FBXW7: variants seen among roughly 807,000 people sequenced by gnomAD.
FBXW7 encodes F-box/WD repeat-containing protein 7.
FBXW7 carries 11 observed loss-of-function variants against 86.3 expected under a neutral mutation model. That is an observed-to-expected ratio of 0.13 (90% CI 0.08 to 0.21). The LOEUF is 0.21. Ranked by LOEUF, FBXW7 falls within the 10% of genes least tolerant of loss-of-function variation. FBXW7 has a pLI of 1.00. For missense variants in FBXW7, 488 were observed against 847.4 expected, an observed-to-expected ratio of 0.58 and a Z score of 5.27; for synonymous variants, 313 against 297.9, an observed-to-expected ratio of 1.05 and a Z score of -0.52.
At chr4:152,357,831 C>A (rs1176769875) in intron 4 of FBXW7, among the ~76,000 whole-genome samples, 1 of 152,108 alleles carries the variant, frequency 6.6e-6, no homozygotes, top group Non-Finnish European at 1.5e-5. Context: ...ATACATAATT[C>A]ATACCCAATA....
intron 2 of FBXW7, among the ~76,000 whole-genome samples, chr4:152,505,575 C>T (rs79960940): frequency 0.089 from 13,502 of 151,790 alleles, 1,298 homozygotes; most frequent in African/African-American, 0.24. Context: ...CACAATAACC[C>T]AAGCCTACAC....
rs774025199 is a variant in FBXW7, at chr4:152,385,858, GA to G, written c.501+25444del. 1.1e-4 allele frequency among the ~76,000 whole-genome samples: 17 copies of G among 151,928 alleles called. No homozygotes were observed. In the East Asian group the frequency reaches 1.4e-3, roughly 12 times the overall value. On this transcript the variant is annotated intron_variant, in intron 4 of 13. Coordinates refer to ENST00000281708, the MANE Select transcript of FBXW7 (RefSeq NM_001349798.2). ...CTGTGTTTGTCATAATATATTTTTGGAAAAAGAAGACATTATCAATGATTGG... is the reference window on the plus strand; with the variant it reads ...CTGTGTTTGTCATAATATATTTTTGGAAAAGAAGACATTATCAATGATTGG...
intron 2 of FBXW7, among the ~76,000 whole-genome samples, chr4:152,533,322 C>T (rs1201115160): frequency 6.6e-6 from 1 of 152,184 alleles, no homozygotes; most frequent in Non-Finnish European, 1.5e-5. Context: ...GTCCTCCCCT[C>T]CTTCCCAAAA....
At chr4:152,527,899 C>T (rs572732573) in intron 2 of FBXW7, among the ~76,000 whole-genome samples, 2 of 151,310 alleles carry the variant, frequency 1.3e-5, no homozygotes, top group East Asian at 1.9e-4. Context: ...CACACACACA[C>T]ACATATATAT....
chr4:152,430,300 T>C (rs979519825), intron 2 of FBXW7, among the ~76,000 whole-genome samples: 4 of 152,316 alleles, frequency 2.6e-5, no homozygotes, highest in Non-Finnish European at 4.4e-5. Context: ...ATTATTTGTA[T>C]TGAAAGTGAG....
intron 2 of FBXW7, among the ~76,000 whole-genome samples, chr4:152,459,691 T>G (rs1216942075): frequency 6.6e-6 from 1 of 152,206 alleles, no homozygotes; most frequent in Non-Finnish European, 1.5e-5. Flanking sequence ...CTATATATAC[T>G]ATGTCTTTTC....
At chr4:152,497,386 C>T (rs1415875865) in intron 2 of FBXW7, among the ~76,000 whole-genome samples, 1 of 141,416 alleles carries the variant, frequency 7.1e-6, no homozygotes, top group Non-Finnish European at 1.5e-5. Context: ...CTATGAGATA[C>T]TTGCAATGCA....
rs183468624 is a variant in FBXW7 at position 152,427,118 on chromosome 4, C to A, written c.-119-14589G>T. Among the ~76,000 whole-genome samples, 12 of 152,128 alleles carry A rather than the reference C, an allele frequency of 7.9e-5. No homozygotes were observed. The East Asian group carries it at 1.5e-3, about 20-fold the overall frequency. ...GGTGTGGTTATGCTTGGAAAATAAG[C>A]TAGATAAAATTAGGATTAAATTTAT... is the stretch of plus-strand genomic sequence containing the variant. On this transcript the variant is annotated intron_variant, in intron 2 of 13. Coordinates refer to ENST00000281708, the MANE Select transcript of FBXW7 (RefSeq NM_001349798.2).
intron 4 of FBXW7, among the ~76,000 whole-genome samples, chr4:152,397,828 A>G (rs1736556307): frequency 6.6e-6 from 1 of 151,932 alleles, no homozygotes; most frequent in African/African-American, 2.4e-5. Context: ...TGACATTTAG[A>G]CAAGGGAAGT....
chr4:152,454,385 A>G (rs904640016), intron 2 of FBXW7, among the ~76,000 whole-genome samples: 1 of 151,546 alleles, frequency 6.6e-6, no homozygotes, highest in Non-Finnish European at 1.5e-5. Context: ...TATTTCCTAC[A>G]GATAACTTTT....
chr4:152,403,763 C>T (rs1737158321), intron 4 of FBXW7, among the ~76,000 whole-genome samples: 1 of 152,184 alleles, frequency 6.6e-6, no homozygotes, highest in Non-Finnish European at 1.5e-5. Context: ...GCTCACTCAC[C>T]TACCGCCCGC....
At chr4:152,364,552 G>GA (rs1384670368) in intron 4 of FBXW7, among the ~76,000 whole-genome samples, 5 of 152,058 alleles carry the variant, frequency 3.3e-5, no homozygotes, top group Admixed American at 3.3e-4. Flanking sequence ...CTTCTTCATT[G>GA]AAAATTTTTT....
chr4:152,515,199 AAAG>A (rs1462784655), intron 2 of FBXW7, among the ~76,000 whole-genome samples: 1 of 152,230 alleles, frequency 6.6e-6, no homozygotes, highest in Non-Finnish European at 1.5e-5. Flanking sequence ...CTCTAAGAAC[AAAG>A]AAGAAAATAT....
At chr4:152,340,700 G>T (rs1241999979) in intron 6 of FBXW7, among the ~76,000 whole-genome samples, 1 of 151,666 alleles carries the variant, frequency 6.6e-6, no homozygotes, top group Non-Finnish European at 1.5e-5. Context: ...TCTCTTTGGT[G>T]ATTCTAAACA....
intron 6 of FBXW7, among the ~76,000 whole-genome samples, chr4:152,343,761 A>G (rs1730977239): frequency 6.6e-6 from 1 of 152,194 alleles, no homozygotes; most frequent in Non-Finnish European, 1.5e-5. Context: ...CTGAAGCATC[A>G]ATCTGACTGC....
chr4:152,408,996 AC>A (rs1737689345), intron 4 of FBXW7, among the ~76,000 whole-genome samples: 1 of 152,184 alleles, frequency 6.6e-6, no homozygotes, highest in South Asian at 2.1e-4. Context: ...AAAAGAACAA[AC>A]CTTTAGTGAC....
intron 7 of FBXW7, among the ~76,000 whole-genome samples, chr4:152,334,279 A>G (rs1213701776): frequency 1.3e-5 from 2 of 152,202 alleles, no homozygotes; most frequent in Admixed American, 1.3e-4. Context: ...AACTATATTC[A>G]ACAATACTCA....
In FBXW7 at chr4:152,503,547, C is replaced by G. The variant is rs534770801; in HGVS notation, c.-120+31394G>C. Among the ~76,000 whole-genome samples, 114 of 151,970 alleles carry G rather than the reference C, an allele frequency of 7.5e-4. 1 individual carries two copies. The highest frequency in any genetic ancestry group is 1.2e-3 in the Non-Finnish European group (84 of 68,024). On this transcript the variant is annotated intron_variant, in intron 2 of 13. Transcript: ENST00000281708. ...TTGGCCTCCCAAAGTGCTGGAATTACAGGCATGAGCCACCGTGCCCGGCCC... is the reference window on the plus strand; with the variant it reads ...TTGGCCTCCCAAAGTGCTGGAATTAGAGGCATGAGCCACCGTGCCCGGCCC...
rs1485430888 is a variant in FBXW7 at position 152,478,375 on chromosome 4, T to C, written c.-120+56566A>G. Among the ~76,000 whole-genome samples the C allele has an allele frequency of 2.0e-5, 3 of 152,152 alleles. No homozygotes were observed. The East Asian group carries it at 5.8e-4, about 29-fold the overall frequency. On this transcript the variant is annotated intron_variant, in intron 2 of 13. Transcript: ENST00000281708. The stretch of plus-strand genomic sequence containing the variant: ...CTTAGCACAATGTTTTCAAGGTTTA[T>C]CTATGTTGTACCATGTACCAAAATT...
Sources: allele counts gnomAD v4.1 joint callset (sites outside exome capture counted in the v4.1 genomes callset), GRCh38; gene constraint gnomAD v4.1.1; transcripts MANE v1.5; gene names NCBI Gene and HGNC (gene_info 2026-07-23, HGNC 2026-07-21).